The following CAMKMT variants were observed in gnomAD, a reference collection of about 807,000 sequenced individuals.
The protein encoded by CAMKMT is CaM KMT.
In CAMKMT, 53 loss-of-function variants were observed where a neutral mutation model predicts 48.0. The observed-to-expected ratio is 1.10, with a 90% CI of 0.89 to 1.39. CAMKMT has a LOEUF of 1.39. Ranked by LOEUF, CAMKMT falls within the 40% of genes most tolerant of loss-of-function variation. The probability of loss-of-function intolerance (pLI) is 0.00; values close to 1 mark genes in which losing one functional copy is unlikely to be tolerated. For missense variants in CAMKMT, 428 were observed against 402.7 expected (o/e 1.06, Z -0.54); for synonymous variants, 165 against 152.3 (o/e 1.08, Z -0.61).
intron 3 of CAMKMT, among the ~76,000 whole-genome samples, chr2:44,521,853 TC>T (rs1404855451): frequency 1.8e-5 from 2 of 112,106 alleles, no homozygotes; most frequent in East Asian, 2.0e-4. Flanking sequence ...AGATTCTGTC[TC>T]TAAAAATAAA....
Position 44,520,691 on chromosome 2 carries a change from G to C in CAMKMT, c.376+130386G>C, listed in dbSNP as rs114208000. 2.6e-3 allele frequency among the ~76,000 whole-genome samples: 396 copies of C among 152,242 alleles called. 4 individuals are homozygous for C. Among genetic ancestry groups the C allele is most frequent in the African/African-American group, 9.1e-3 (380 of 41,546 alleles). ...ATTATGCACCTAATCTCTCTGATGT[G>C]GTTTGGCTTTGTGTCCCCACTCAAA... On this transcript the variant is annotated intron_variant, in intron 3 of 10. Transcript: ENST00000378494.
At chr2:44,584,348 T>A (rs1669731381) in intron 3 of CAMKMT, among the ~76,000 whole-genome samples, 2 of 152,192 alleles carry the variant, frequency 1.3e-5, no homozygotes, top group African/African-American at 4.8e-5. Flanking sequence ...GCTGTGAAAA[T>A]GTACTAGAGG....
intron 3 of CAMKMT, among the ~76,000 whole-genome samples, chr2:44,664,931 A>G (rs574127342): frequency 5.9e-5 from 9 of 152,316 alleles, no homozygotes; most frequent in Admixed American, 5.9e-4. Context: ...CTGGCTGTAG[A>G]GTAGATACTG....
At chr2:44,694,094 G>A (rs894882306) in intron 3 of CAMKMT, among the ~76,000 whole-genome samples, 5 of 152,256 alleles carry the variant, frequency 3.3e-5, no homozygotes, top group Middle Eastern at 3.4e-3. Context: ...GGATGCTGTC[G>A]ATCAAAGCCT....
At chr2:44,635,081 T>TA (rs1673048297) in intron 3 of CAMKMT, among the ~76,000 whole-genome samples, 1 of 152,140 alleles carries the variant, frequency 6.6e-6, no homozygotes, top group Admixed American at 6.6e-5. Flanking sequence ...TCAAAAACAA[T>TA]AAATAAAAGA....
chr2:44,405,965 T>C (rs960746469), intron 3 of CAMKMT, among the ~76,000 whole-genome samples: 2 of 152,184 alleles, frequency 1.3e-5, no homozygotes, highest in African/African-American at 2.4e-5. Flanking sequence ...CTTTTTGTTA[T>C]GGTAACTGAA....
At chr2:44,736,133 A>G (rs1244789525) in intron 7 of CAMKMT, among the ~76,000 whole-genome samples, 1 of 152,204 alleles carries the variant, frequency 6.6e-6, no homozygotes, top group East Asian at 1.9e-4. Context: ...TCCTTCATGT[A>G]CATTTCCATC....
At chr2:44,754,212 T>A in intron 9 of CAMKMT, 94 bp downstream of exon 9, 1 of 954,026 alleles carries the variant, frequency 1.0e-6, no homozygotes, top group Non-Finnish European at 1.7e-6. Flanking sequence ...AGGATTAATG[T>A]CATGTAATAC....
intron 6 of CAMKMT, among the ~76,000 whole-genome samples, chr2:44,710,138 C>T (rs1677802946): frequency 6.7e-6 from 1 of 149,172 alleles, no homozygotes; most frequent in Admixed American, 6.7e-5. Flanking sequence ...CTGATATTTC[C>T]TTTTAATTTT....
At chr2:44,733,564 A>T (rs1679195697) in intron 7 of CAMKMT, among the ~76,000 whole-genome samples, 1 of 152,168 alleles carries the variant, frequency 6.6e-6, no homozygotes, top group South Asian at 2.1e-4. Context: ...GTATGATGTT[A>T]ACTATAGGTT....
intron 3 of CAMKMT, among the ~76,000 whole-genome samples, chr2:44,612,176 C>T (rs1671637534): frequency 7.9e-6 from 1 of 126,324 alleles, no homozygotes; most frequent in Non-Finnish European, 1.8e-5. Flanking sequence ...AACAGGAAGC[C>T]GTTATCATTA....
chr2:44,522,030 A>T, intron 3 of CAMKMT, among the ~76,000 whole-genome samples: 2 of 146,612 alleles, frequency 1.4e-5, no homozygotes, highest in African/African-American at 2.5e-5. Context: ...TTTTTGACAG[A>T]CTCTCACTCT....
chr2:44,389,507 T>C (rs944956373), intron 2 of CAMKMT, among the ~76,000 whole-genome samples: 2 of 152,176 alleles, frequency 1.3e-5, no homozygotes, highest in Non-Finnish European at 2.9e-5. Flanking sequence ...GAACTTCAGC[T>C]GTAAATTATA....
chr2:44,582,954 C>T (rs1292360235), intron 3 of CAMKMT, among the ~76,000 whole-genome samples: 1 of 152,156 alleles, frequency 6.6e-6, no homozygotes. Context: ...TGCTGAAATA[C>T]ATACTATCAG....
At chr2:44,645,418 A>C (rs1673678644) in intron 3 of CAMKMT, among the ~76,000 whole-genome samples, 1 of 152,188 alleles carries the variant, frequency 6.6e-6, no homozygotes, top group African/African-American at 2.4e-5. Context: ...GAGAAGGGGA[A>C]AGTAGTAGCA....
intron 3 of CAMKMT, among the ~76,000 whole-genome samples, chr2:44,529,693 A>C (rs542486799): frequency 3.9e-5 from 6 of 152,174 alleles, no homozygotes; most frequent in Admixed American, 1.3e-4. Flanking sequence ...CTGGGCTAAC[A>C]CTCAGTGATT....
intron 2 of CAMKMT, among the ~76,000 whole-genome samples, chr2:44,379,280 G>A (rs909159866): frequency 6.6e-6 from 1 of 152,074 alleles, no homozygotes; most frequent in African/African-American, 2.4e-5. Flanking sequence ...GCATCCCACT[G>A]TATGGCTAAT....
At chr2:44,496,359 T>A (rs1669752092) in intron 3 of CAMKMT, among the ~76,000 whole-genome samples, 1 of 152,152 alleles carries the variant, frequency 6.6e-6, no homozygotes. Context: ...GGAGTGAAGG[T>A]TAAAGGTAAA....
intron 3 of CAMKMT, among the ~76,000 whole-genome samples, chr2:44,539,228 C>A (rs2104849460): frequency 6.7e-6 from 1 of 149,162 alleles, no homozygotes; most frequent in South Asian, 2.1e-4. Flanking sequence ...TCACTTGAAC[C>A]CAGGAGGTGG....
Sources: gnomAD v4.1 joint callset for allele counts (sites outside exome capture counted in the v4.1 genomes callset) on GRCh38, gnomAD v4.1.1 for gene constraint, MANE v1.5 for transcripts, NCBI Gene and HGNC (gene_info 2026-07-23, HGNC 2026-07-21) for gene names.